Variants in SPOCK1 observed in about 807,000 individuals in gnomAD.
SPOCK1 encodes testican-1.
In SPOCK1, 23 loss-of-function variants were observed where a neutral mutation model predicts 55.3. The ratio of observed to expected loss-of-function variants is 0.42; its 90% CI spans 0.30 to 0.59. The LOEUF (loss-of-function observed/expected upper bound fraction) is 0.59, where lower values mean the gene tolerates loss of function less well. Among genes scored for constraint, SPOCK1 ranks in the 20% least tolerant of loss-of-function variants. The probability of loss-of-function intolerance (pLI) is 0.22; values close to 1 mark genes in which losing one functional copy is unlikely to be tolerated. For missense variants in SPOCK1, 499 were observed against 552.5 expected (o/e 0.90, Z 0.97); for synonymous variants, 226 against 221.0 (o/e 1.02, Z -0.20).
At chr5:137,470,087 G>A (rs574682305) in intron 2 of SPOCK1, among the ~76,000 whole-genome samples, 1 of 152,110 alleles carries the variant, frequency 6.6e-6, no homozygotes, top group African/African-American at 2.4e-5. Context: ...CTGATCTCCT[G>A]CTCCACTGAG....
intron 5 of SPOCK1, among the ~76,000 whole-genome samples, chr5:137,087,229 T>C (rs566810977): frequency 1.3e-5 from 2 of 152,244 alleles, no homozygotes; most frequent in Non-Finnish European, 2.9e-5. Context: ...TGGGCTCCCT[T>C]CCTCTCTCAA....
In SPOCK1 at chr5:137,096,879, T is replaced by C. The variant is rs1017971339; in HGVS notation, c.474+15556A>G. On this transcript the variant is annotated intron_variant, in intron 5 of 10. Transcript: ENST00000394945. ...TTGCAGTGTGGAGGACGCTTGGCTG[T>C]CTGGACTCTATGAGTCAGGGTGATG... Among the ~76,000 whole-genome samples the C allele has an allele frequency of 3.9e-5, 6 of 152,220 alleles. 1 individual carries two copies. Among genetic ancestry groups the C allele is most frequent in the Non-Finnish European group, 7.3e-5 (5 of 68,048 alleles).
chr5:137,212,952 AG>A (rs907972565), intron 3 of SPOCK1, among the ~76,000 whole-genome samples: 2 of 152,146 alleles, frequency 1.3e-5, no homozygotes, highest in Admixed American at 6.5e-5. Flanking sequence ...GCTGCTGACC[AG>A]GGGGCAGGTG....
At position 137,140,638 on chromosome 5, in the gene SPOCK1, A is replaced by C. The variant is rs766737543; in HGVS notation, c.289T>G (p.Cys97Gly). The C allele has an allele frequency of 1.2e-6, 2 of 1,613,134 alleles. No individual in the cohort carries two copies. The highest frequency in any genetic ancestry group is 2.2e-5 in the South Asian group (2 of 90,988). The change falls in exon 4 of 11, where the codon TGT becomes GGT. Residue 97 changes from cysteine to glycine, a missense_variant. By Grantham distance (159) the Cys-to-Gly change is radical. Transcript: ENST00000394945. ...GCGGTCTGGTAGTCCTGGGTCACAC[A>C]CACTTTGTGAGGGCTGCATTTTACC... ...LKVKCSPHKV[C>G]VTQDYQTALC...
At chr5:137,352,162 T>C (rs1750694671) in intron 2 of SPOCK1, among the ~76,000 whole-genome samples, 1 of 152,208 alleles carries the variant, frequency 6.6e-6, no homozygotes, top group Admixed American at 6.5e-5. Flanking sequence ...GAGAAAATTG[T>C]AGAGAAATAT....
intron 4 of SPOCK1, among the ~76,000 whole-genome samples, chr5:137,116,652 A>G (rs1753587924): frequency 6.6e-6 from 1 of 152,074 alleles, no homozygotes; most frequent in Non-Finnish European, 1.5e-5. Flanking sequence ...GTCTAAAAAA[A>G]AAAAACTTCT....
intron 2 of SPOCK1, among the ~76,000 whole-genome samples, chr5:137,457,179 C>A (rs1580937748): frequency 6.6e-6 from 1 of 152,128 alleles, no homozygotes. Context: ...TGAGCAGAAA[C>A]CCACACATAC....
intron 6 of SPOCK1, among the ~76,000 whole-genome samples, chr5:137,055,854 C>T (rs141852710): frequency 5.9e-5 from 9 of 152,286 alleles, no homozygotes; most frequent in East Asian, 1.9e-4. Flanking sequence ...GAGCCAGAAA[C>T]GCACAGCAGT....
chr5:137,409,346 C>T (rs1355743289), intron 2 of SPOCK1, among the ~76,000 whole-genome samples: 2 of 152,192 alleles, frequency 1.3e-5, no homozygotes, highest in East Asian at 1.9e-4. Flanking sequence ...TTTGGGGAAT[C>T]GCAGATCCAT....
In SPOCK1 at chr5:136,978,847, GAAAGA is replaced by G. The variant is rs1292897027; in HGVS notation, c.1130-8_1130-4del. ...CCCTGAGGTTTCCTGCTCCTCTTCT[GAAAGA>G]TTAAAAAAAGCATTGAGGTTAGTTT... On this transcript the variant is annotated splice_polypyrimidine_tract_variant and splice_region_variant and intron_variant, in intron 10 of 10. Transcript: ENST00000394945. 3.8e-6 allele frequency: 6 copies of G among 1,599,422 alleles called. No individual in the cohort carries two copies. Among genetic ancestry groups the G allele is most frequent in the Non-Finnish European group, 5.1e-6 (6 of 1,174,710 alleles).
intron 3 of SPOCK1, among the ~76,000 whole-genome samples, chr5:137,266,516 G>A (rs1315679372): frequency 2.0e-5 from 3 of 152,156 alleles, no homozygotes; most frequent in African/African-American, 7.2e-5. Context: ...AGTAGTCATC[G>A]AGCTAACTCT....
chr5:137,417,730 T>A (rs1248330715), intron 2 of SPOCK1, among the ~76,000 whole-genome samples: 1 of 152,224 alleles, frequency 6.6e-6, no homozygotes, highest in Non-Finnish European at 1.5e-5. Context: ...TATTCCTTTC[T>A]AATTGCTGGC....
chr5:137,435,922 G>A (rs1752855643), intron 2 of SPOCK1, among the ~76,000 whole-genome samples: 1 of 152,048 alleles, frequency 6.6e-6, no homozygotes, highest in Non-Finnish European at 1.5e-5. Context: ...GGGATGCTGA[G>A]GCAGGCAGAC....
At chr5:137,239,588 A>T (rs1320892532) in intron 3 of SPOCK1, among the ~76,000 whole-genome samples, 1 of 152,066 alleles carries the variant, frequency 6.6e-6, no homozygotes, top group East Asian at 1.9e-4. Context: ...TCTGACACCA[A>T]CTCCAAGTGG....
At chr5:137,143,646 A>T (rs777528343) in intron 3 of SPOCK1, among the ~76,000 whole-genome samples, 2 of 152,222 alleles carry the variant, frequency 1.3e-5, no homozygotes, top group African/African-American at 4.8e-5. Context: ...TAAGCACCTC[A>T]TATGTGTTTA....
At chr5:137,427,693 A>G (rs1053806831) in intron 2 of SPOCK1, among the ~76,000 whole-genome samples, 5 of 152,166 alleles carry the variant, frequency 3.3e-5, no homozygotes, top group Admixed American at 2.0e-4. Context: ...GTGGATCACA[A>G]GGTCAGGAGA....
chr5:137,025,863 C>T (rs1292083188), intron 6 of SPOCK1, among the ~76,000 whole-genome samples: 1 of 152,186 alleles, frequency 6.6e-6, no homozygotes, highest in Admixed American at 6.5e-5. Flanking sequence ...TGTGATATTT[C>T]CAGTCCATCA....
intron 3 of SPOCK1, among the ~76,000 whole-genome samples, chr5:137,192,182 G>A (rs926082012): frequency 9.4e-4 from 128 of 135,636 alleles, no homozygotes; most frequent in Admixed American, 2.5e-3. Context: ...AGGTTGAGCC[G>A]AGATCACACC....
intron 6 of SPOCK1, among the ~76,000 whole-genome samples, chr5:137,061,207 T>C (rs1580730464): frequency 6.6e-6 from 1 of 152,318 alleles, no homozygotes; most frequent in East Asian, 1.9e-4. Context: ...AAGATAAATC[T>C]CTATTTTTCT....
Sources: allele counts gnomAD v4.1 joint callset (sites outside exome capture counted in the v4.1 genomes callset), GRCh38; gene constraint gnomAD v4.1.1; transcripts MANE v1.5; gene names NCBI Gene and HGNC (gene_info 2026-07-23, HGNC 2026-07-21).